ST6GAL2: variants seen among roughly 807,000 people sequenced by gnomAD.
ST6GAL2 encodes beta-galactoside alpha-2,6-sialyltransferase 2.
ST6GAL2 carries 24 observed loss-of-function variants against 37.5 expected under a neutral mutation model. The ratio of observed to expected loss-of-function variants is 0.64; its 90% confidence interval spans 0.46 to 0.90. The LOEUF is 0.90. Ranked by LOEUF, ST6GAL2 falls within the 40% of genes least tolerant of loss-of-function variation. The probability of loss-of-function intolerance (pLI) is 0.00; values close to 1 mark genes in which losing one functional copy is unlikely to be tolerated. For missense variants in ST6GAL2, 715 were observed against 712.7 expected, an observed-to-expected ratio of 1.00 and a Z score of -0.04; for synonymous variants, 306 against 295.1, an observed-to-expected ratio of 1.04 and a Z score of -0.38.
At chr2:106,851,046 G>A (rs953509652) in intron 1 of ST6GAL2, among the ~76,000 whole-genome samples, 1 of 152,184 alleles carries the variant, frequency 6.6e-6, no homozygotes, top group African/African-American at 2.4e-5. Flanking sequence ...CCCCTGGGAA[G>A]AGCACTGGCA....
intron 1 of ST6GAL2, among the ~76,000 whole-genome samples, chr2:106,858,719 A>G (rs1445386377): frequency 1.3e-5 from 2 of 152,126 alleles, no homozygotes; most frequent in African/African-American, 4.8e-5. Context: ...GGCTAGCACC[A>G]AGAGGAAGAG....
intron 1 of ST6GAL2, among the ~76,000 whole-genome samples, chr2:106,855,867 T>C (rs1457905742): frequency 6.6e-6 from 1 of 152,152 alleles, no homozygotes; most frequent in African/African-American, 2.4e-5. Context: ...ACATCTAACA[T>C]TTTACACGGA....
At position 106,843,321 on chromosome 2, in the gene ST6GAL2, C is replaced by A; in HGVS notation, c.657G>T (p.Pro219=). The A allele has an allele frequency of 6.2e-7, 1 of 1,613,928 alleles. No individual in the cohort carries two copies. Among genetic ancestry groups the A allele is most frequent in the Non-Finnish European group, 8.5e-7 (1 of 1,179,974 alleles). The change falls in exon 2 of 6, where the codon CCG becomes CCT. Residue 219 remains proline, a synonymous_variant. Coordinates refer to ENST00000409382, the MANE Select transcript of ST6GAL2 (RefSeq NM_001142351.2). The part of the protein sequence containing the change: ...KGNVSSKMLN[P]RLQKAMKDYL... ...AATCCTTCATCGCCTTCTGCAGGCG[C>A]GGGTTCAGCATTTTGGAAGAGACGT...
chr2:106,830,986 G>T (rs945073259), intron 4 of ST6GAL2, among the ~76,000 whole-genome samples: 9 of 152,188 alleles, frequency 5.9e-5, no homozygotes, highest in African/African-American at 1.9e-4. Flanking sequence ...TAAAAAGGAA[G>T]TTTTCAGAAG....
chr2:106,813,283 T>C lies in ST6GAL2; in HGVS notation c.1319-6334A>G, dbSNP rs1675681249. 3 of 1,202,294 alleles carry C rather than the reference T, an allele frequency of 2.5e-6. No homozygotes were observed. In the South Asian group the frequency reaches 9.0e-5, roughly 36 times the overall value. 74.5% of individuals were successfully genotyped at this position (1,202,294 alleles called of 1,614,324 possible). A position where few individuals can be genotyped will look rare whatever the true frequency, so the allele number is the denominator to read the frequency against. Reference sequence around the variant, plus strand: ...TTAGTATTTTCTAGGCAATTGTGACTCAAGAGGCATTCATTTGCTGAACTG... The same window carrying C: ...TTAGTATTTTCTAGGCAATTGTGACCCAAGAGGCATTCATTTGCTGAACTG... On this transcript the variant is annotated intron_variant, in intron 5 of 5. Coordinates refer to ENST00000409382, the MANE Select transcript of ST6GAL2 (RefSeq NM_001142351.2).
At chr2:106,846,631 A>G (rs1370367698) in intron 1 of ST6GAL2, among the ~76,000 whole-genome samples, 2 of 152,256 alleles carry the variant, frequency 1.3e-5, no homozygotes, top group Non-Finnish European at 2.9e-5. Flanking sequence ...ACATTCGCTT[A>G]CATGTATAAA....
In ST6GAL2 at chr2:106,830,200, A is replaced by G; in HGVS notation, c.1184T>C (p.Ile395Thr). The G allele has an allele frequency of 1.2e-6, 2 of 1,613,772 alleles. No homozygotes were observed. The highest frequency in any genetic ancestry group is 1.7e-6 in the Non-Finnish European group (2 of 1,180,036). Residue 395 changes from isoleucine (I) to threonine (T), a missense_variant, in exon 5 of 6, where the codon ATT becomes ACT. Coordinates refer to ENST00000409382, the MANE Select transcript of ST6GAL2 (RefSeq NM_001142351.2). The part of the protein sequence containing the change: ...KPDYNLFTPY[I>T]QHRQRNPNQP... ...ATTTGGGTTTCTCTGACGATGCTGA[A>G]TATATGGAGTGAACAGGTTGTAATC...
intron 5 of ST6GAL2, among the ~76,000 whole-genome samples, chr2:106,814,056 G>A (rs889123462): frequency 6.6e-6 from 1 of 152,170 alleles, no homozygotes; most frequent in Non-Finnish European, 1.5e-5. Flanking sequence ...CTAAAAGATG[G>A]TTTGGAAATT....
intron 3 of ST6GAL2, among the ~76,000 whole-genome samples, chr2:106,833,798 T>C (rs1676522202): frequency 6.6e-6 from 1 of 152,172 alleles, no homozygotes; most frequent in Admixed American, 6.5e-5. Flanking sequence ...AATATATATA[T>C]TTCTATTTCT....
chr2:106,804,093 C>T lies in ST6GAL2; in HGVS notation c.*2585G>A, dbSNP rs1356688238. On this transcript the variant is annotated 3_prime_UTR_variant, in exon 6 of 6. Coordinates refer to ENST00000409382, the MANE Select transcript of ST6GAL2 (RefSeq NM_001142351.2). Reference sequence around the variant, plus strand: ...ATTGACTGTTGAACAGAGCCTGATTCCCAAGAGTCTTTAAGGCCATAATAA... The same window carrying T: ...ATTGACTGTTGAACAGAGCCTGATTTCCAAGAGTCTTTAAGGCCATAATAA... 1 of 152,114 alleles carries T rather than the reference C, an allele frequency of 6.6e-6. No homozygotes were observed. Among genetic ancestry groups the T allele is most frequent in the Non-Finnish European group, 1.5e-5 (1 of 68,022 alleles). The allele number at this position is 152,114 out of a possible 1,614,324, so 9.4% of individuals were successfully genotyped here.
chr2:106,832,719 T>C, intron 3 of ST6GAL2, 53 bp from the exon 4 acceptor site: 2 of 1,202,264 alleles, frequency 1.7e-6, no homozygotes, highest in African/African-American at 1.5e-5. Flanking sequence ...TTTTAAAAAT[T>C]GCATTTTAAA....
At chr2:106,857,285 G>A (rs765244076) in intron 1 of ST6GAL2, among the ~76,000 whole-genome samples, 12 of 152,138 alleles carry the variant, frequency 7.9e-5, no homozygotes, top group Admixed American at 3.3e-4. Context: ...TGGGCTGAGA[G>A]AAACTCATTA....
intron 5 of ST6GAL2, among the ~76,000 whole-genome samples, chr2:106,810,051 G>T (rs1308794515): frequency 6.6e-6 from 1 of 152,130 alleles, no homozygotes; most frequent in African/African-American, 2.4e-5. Flanking sequence ...GATTTGAACT[G>T]CTACCAAATC....
intron 1 of ST6GAL2, among the ~76,000 whole-genome samples, chr2:106,856,007 C>G (rs2889707): frequency 0.87 from 132,957 of 152,114 alleles, 58,205 homozygotes; most frequent in East Asian, 0.98. Flanking sequence ...GATTACAATC[C>G]TGACTTTTAC....
In ST6GAL2 at chr2:106,830,190, A is replaced by G; in HGVS notation, c.1194T>C (p.Arg398=). Residue 398 remains arginine, a synonymous_variant, in exon 5 of 6, where the codon CGT becomes CGC. Transcript: ENST00000409382. Reference sequence around the variant, plus strand: ...AAAATGGCTGATTTGGGTTTCTCTGACGATGCTGAATATATGGAGTGAACA... The same window carrying G: ...AAAATGGCTGATTTGGGTTTCTCTGGCGATGCTGAATATATGGAGTGAACA... The part of the protein sequence containing the change: ...YNLFTPYIQH[R]QRNPNQPFYI... 1 of 1,613,866 alleles carries G rather than the reference A, an allele frequency of 6.2e-7. No individual in the cohort carries two copies. The highest frequency in any genetic ancestry group is 8.5e-7 in the Non-Finnish European group (1 of 1,180,030).
intron 2 of ST6GAL2, among the ~76,000 whole-genome samples, chr2:106,841,634 A>T (rs1307419750): frequency 6.6e-6 from 1 of 152,198 alleles, no homozygotes; most frequent in Non-Finnish European, 1.5e-5. Flanking sequence ...CTGCTGAGGG[A>T]GAGCCCAGCT....
chr2:106,851,647 T>C (rs1486973962), intron 1 of ST6GAL2, among the ~76,000 whole-genome samples: 1 of 150,798 alleles, frequency 6.6e-6, no homozygotes, highest in Non-Finnish European at 1.5e-5. Flanking sequence ...GCCCATTTTC[T>C]TGACTGGAGA....
intron 5 of ST6GAL2, among the ~76,000 whole-genome samples, chr2:106,817,086 G>A (rs1573211901): frequency 2.0e-5 from 3 of 152,302 alleles, no homozygotes; most frequent in South Asian, 4.1e-4. Context: ...GGCAAGCCTC[G>A]CCACCAGGGG....
At chr2:106,818,136 G>A (rs1419216637) in intron 5 of ST6GAL2, among the ~76,000 whole-genome samples, 4 of 152,168 alleles carry the variant, frequency 2.6e-5, no homozygotes, top group African/African-American at 7.2e-5. Context: ...CCTGGGGCCA[G>A]GGGGAACTCA....
Sources: allele counts gnomAD v4.1 joint callset (sites outside exome capture counted in the v4.1 genomes callset), GRCh38; gene constraint gnomAD v4.1.1; transcripts MANE v1.5; gene names NCBI Gene and HGNC (gene_info 2026-07-23, HGNC 2026-07-21).